AGBL3: variants seen among roughly 807,000 people sequenced by gnomAD.
AGBL3 encodes AGBL carboxypeptidase 3, also known as cytosolic carboxypeptidase 3.
A neutral mutation model predicts 94.5 loss-of-function variants in AGBL3; 68 were observed. The observed-to-expected ratio is 0.72, with a 90% CI of 0.59 to 0.88. AGBL3 has a LOEUF of 0.88. AGBL3 is among the 40% of genes least tolerant of loss of function. The probability of loss-of-function intolerance (pLI) is 0.00; values close to 1 mark genes in which losing one functional copy is unlikely to be tolerated. For missense variants in AGBL3, 934 were observed against 1,103.8 expected, an observed-to-expected ratio of 0.85 and a Z score of 2.18; for synonymous variants, 354 against 370.7, an observed-to-expected ratio of 0.95 and a Z score of 0.52.
chr7:135,063,220 A>C (rs567164538), intron 12 of AGBL3, among the ~76,000 whole-genome samples: 26 of 151,510 alleles, frequency 1.7e-4, no homozygotes, highest in Non-Finnish European at 3.4e-4. Flanking sequence ...ATCTTTTCTG[A>C]CTTTATCTGA....
intron 16 of AGBL3, among the ~76,000 whole-genome samples, chr7:135,117,501 G>A (rs1826490657): frequency 1.3e-5 from 2 of 152,198 alleles, no homozygotes; most frequent in Non-Finnish European, 2.9e-5. Flanking sequence ...AGCAAAGTGT[G>A]ATCTTCTCAT....
intron 3 of AGBL3, among the ~76,000 whole-genome samples, chr7:134,990,328 C>G (rs1810074979): frequency 6.6e-6 from 1 of 152,186 alleles, no homozygotes; most frequent in Non-Finnish European, 1.5e-5. Context: ...TTTGGCTTTT[C>G]TAGAATTTCA....
At chr7:135,129,364 A>C in intron 16 of AGBL3, 1 of 907,222 alleles carries the variant, frequency 1.1e-6, no homozygotes, top group Non-Finnish European at 1.9e-6. Flanking sequence ...GAATACCTGC[A>C]AGCAGATAAG....
chr7:135,008,646 T>A (rs969236107), intron 4 of AGBL3, among the ~76,000 whole-genome samples: 3 of 151,602 alleles, frequency 2.0e-5, no homozygotes, highest in African/African-American at 7.3e-5. Context: ...TGAATTGAAC[T>A]TTATCAAAAT....
At chr7:135,015,177 T>C (rs1393756308) in intron 4 of AGBL3, among the ~76,000 whole-genome samples, 2 of 152,202 alleles carry the variant, frequency 1.3e-5, no homozygotes, top group African/African-American at 4.8e-5. Flanking sequence ...TGAAATTGCT[T>C]ACTATAGAAT....
At chr7:135,000,010 C>T (rs1811512953) in intron 4 of AGBL3, among the ~76,000 whole-genome samples, 1 of 152,182 alleles carries the variant, frequency 6.6e-6, no homozygotes, top group Non-Finnish European at 1.5e-5. Flanking sequence ...CAGCTGATTT[C>T]AAAGTAGGCT....
chr7:135,032,948 T>C lies in AGBL3; in HGVS notation c.523T>C (p.Phe175Leu). 6.4e-7 allele frequency: 1 copy of C among 1,551,274 alleles called. No individual in the cohort carries two copies. The highest frequency in any genetic ancestry group is 8.7e-7 in the Non-Finnish European group (1 of 1,146,608). Residue 175 changes from phenylalanine (F) to leucine (L), a missense_variant, in exon 6 of 17, where the codon TTT becomes CTT. By Grantham distance (22) the Phe-to-Leu change is conservative. This residue lies in a region of AGBL3 where 488 missense variants were observed against 563.6 expected (regional missense o/e 0.87). Coordinates refer to ENST00000436302, the MANE Select transcript of AGBL3 (RefSeq NM_178563.4). ...RDNTLMFEAR[F>L]ESGNLQKVVK... ...CAATACTTTGATGTTTGAAGCAAGG[T>C]TTGAGAGTGGTAATCTACAGAAGGT... is the stretch of plus-strand genomic sequence containing the variant.
rs192179740 is a variant in AGBL3, at chr7:135,068,418, C to T, written c.1909-7979C>T. Among the ~76,000 whole-genome samples, 318 of 152,126 alleles carry T rather than the reference C, an allele frequency of 2.1e-3. 1 individual carries two copies. The highest frequency in any genetic ancestry group is 7.0e-3 in the African/African-American group (290 of 41,502). On this transcript the variant is annotated intron_variant, in intron 12 of 16. Transcript: ENST00000436302. ...AGATACTCCTCGAGAAGAGCATCTCCAAGACACATAATTGTCAGATTCACC... is the reference window on the plus strand; with the variant it reads ...AGATACTCCTCGAGAAGAGCATCTCTAAGACACATAATTGTCAGATTCACC...
chr7:135,130,969 A>C (rs1828671693), intron 16 of AGBL3, among the ~76,000 whole-genome samples: 1 of 152,148 alleles, frequency 6.6e-6, no homozygotes, highest in African/African-American at 2.4e-5. Context: ...CAGCTTGAGA[A>C]CATATTGTTT....
chr7:135,006,640 G>A (rs193272950), intron 4 of AGBL3, among the ~76,000 whole-genome samples: 8 of 151,954 alleles, frequency 5.3e-5, no homozygotes, highest in African/African-American at 1.9e-4. Context: ...TGCCACATAA[G>A]ACAAAATAAA....
intron 12 of AGBL3, among the ~76,000 whole-genome samples, chr7:135,070,770 T>C (rs1819830786): frequency 6.6e-6 from 1 of 152,026 alleles, no homozygotes; most frequent in East Asian, 1.9e-4. Context: ...GCCAATATCA[T>C]ACTGAATGGG....
At chr7:135,066,106 A>G (rs929813544) in intron 12 of AGBL3, among the ~76,000 whole-genome samples, 4 of 152,204 alleles carry the variant, frequency 2.6e-5, no homozygotes, top group African/African-American at 9.7e-5. Flanking sequence ...CATAGACAAC[A>G]AAAACAAACT....
intron 15 of AGBL3, among the ~76,000 whole-genome samples, chr7:135,106,218 T>A (rs904621284): frequency 6.6e-5 from 10 of 152,210 alleles, no homozygotes; most frequent in African/African-American, 2.4e-4. Flanking sequence ...ATGCTCTTTA[T>A]TTCTTTATCT....
At chr7:135,047,719 T>C (rs989730783) in intron 11 of AGBL3, among the ~76,000 whole-genome samples, 2 of 152,026 alleles carry the variant, frequency 1.3e-5, no homozygotes, top group African/African-American at 4.8e-5. Flanking sequence ...AAAATCAGGT[T>C]ATAGGGGTTT....
At chr7:135,085,598 A>C (rs1405276185) in intron 15 of AGBL3, among the ~76,000 whole-genome samples, 2 of 152,196 alleles carry the variant, frequency 1.3e-5, no homozygotes, top group Middle Eastern at 3.4e-3. Flanking sequence ...AGTTTATTGA[A>C]GAGATTATCA....
At chr7:135,100,812 T>C (rs191593635) in intron 15 of AGBL3, among the ~76,000 whole-genome samples, 1 of 152,338 alleles carries the variant, frequency 6.6e-6, no homozygotes, top group East Asian at 1.9e-4. Context: ...AGTTAGAAGA[T>C]GTGAATGCTA....
intron 16 of AGBL3, among the ~76,000 whole-genome samples, chr7:135,126,402 C>T (rs4732102): frequency 0.49 from 73,785 of 152,000 alleles, 18,269 homozygotes; most frequent in South Asian, 0.66. Flanking sequence ...TACAAACAAG[C>T]GGAAAAACAT....
At chr7:135,021,352 C>T (rs1189052254) in intron 5 of AGBL3, among the ~76,000 whole-genome samples, 9 of 149,364 alleles carry the variant, frequency 6.0e-5, no homozygotes, top group East Asian at 2.0e-4. Flanking sequence ...AGTGCAGTGG[C>T]GCTATCTCGG....
At chr7:135,081,619 T>C in intron 14 of AGBL3, 100 bp from the exon 15 acceptor site, 1 of 719,290 alleles carries the variant, frequency 1.4e-6, no homozygotes, top group Non-Finnish European at 2.2e-6. Flanking sequence ...TGTCTACAAG[T>C]TATTTACTAG....
Sources: allele counts gnomAD v4.1 joint callset (sites outside exome capture counted in the v4.1 genomes callset), GRCh38; gene constraint gnomAD v4.1.1; regional missense constraint gnomAD v4.1.1; transcripts MANE v1.5; gene names NCBI Gene and HGNC (gene_info 2026-07-23, HGNC 2026-07-21).